FGGY: variants seen among roughly 807,000 people sequenced by gnomAD.
The protein encoded by FGGY is FGGY carbohydrate kinase domain-containing protein.
In FGGY, 72 loss-of-function variants were observed where a neutral mutation model predicts 71.3. The observed-to-expected ratio is 1.01, with a 90% confidence interval of 0.84 to 1.23. The LOEUF is 1.23. Ranked by LOEUF, FGGY falls within the 50% of genes most tolerant of loss-of-function variation. The probability of loss-of-function intolerance (pLI) is 0.00; values close to 1 mark genes in which losing one functional copy is unlikely to be tolerated. For synonymous variants in FGGY, 251 were observed against 250.3 expected, an observed-to-expected ratio of 1.00 and a Z score of -0.02; for missense variants, 668 against 682.3, an observed-to-expected ratio of 0.98 and a Z score of 0.23.
chr1:59,417,179 T>C (rs939906921), intron 5 of FGGY, among the ~76,000 whole-genome samples: 4 of 152,226 alleles, frequency 2.6e-5, no homozygotes, highest in South Asian at 2.1e-4. Flanking sequence ...CTATGGATTT[T>C]CCTGGACATT....
At chr1:59,642,704 C>T (rs1020671398) in intron 11 of FGGY, among the ~76,000 whole-genome samples, 13 of 150,048 alleles carry the variant, frequency 8.7e-5, no homozygotes, top group Admixed American at 2.7e-4. Flanking sequence ...GTCTAGTTAG[C>T]GTAAATGTTG....
chr1:59,534,036 C>G (rs938765042), intron 7 of FGGY, among the ~76,000 whole-genome samples: 4 of 152,146 alleles, frequency 2.6e-5, no homozygotes, highest in African/African-American at 9.7e-5. Context: ...TTACTCCGAG[C>G]TACGGGAGGA....
intron 14 of FGGY, among the ~76,000 whole-genome samples, chr1:59,711,674 A>G (rs2097795387): frequency 6.6e-6 from 1 of 152,236 alleles, no homozygotes; most frequent in Non-Finnish European, 1.5e-5. Flanking sequence ...CACATCTTAC[A>G]TGAATGACGG....
intron 14 of FGGY, among the ~76,000 whole-genome samples, chr1:59,705,773 A>G (rs959480092): frequency 6.6e-6 from 1 of 152,298 alleles, no homozygotes; most frequent in African/African-American, 2.4e-5. Flanking sequence ...CACATTTCCC[A>G]TGTTTCAGCA....
intron 6 of FGGY, among the ~76,000 whole-genome samples, chr1:59,503,812 T>C (rs1332108245): frequency 6.6e-6 from 1 of 151,878 alleles, no homozygotes; most frequent in Non-Finnish European, 1.5e-5. Context: ...CCTGGTTAAC[T>C]CCCATAGCCC....
chr1:59,543,206 C>T (rs898011558), intron 7 of FGGY, among the ~76,000 whole-genome samples: 1 of 152,160 alleles, frequency 6.6e-6, no homozygotes, highest in Non-Finnish European at 1.5e-5. Flanking sequence ...GGCTTTTTAT[C>T]CTGCTTAGGG....
At chr1:59,422,239 C>T (rs61789977) in intron 5 of FGGY, among the ~76,000 whole-genome samples, 26,202 of 152,134 alleles carry the variant, frequency 0.17, 2,765 homozygotes, top group East Asian at 0.36. Flanking sequence ...GGTTTCTACA[C>T]GATTCTCATG....
rs564454743 is a variant in FGGY, at chr1:59,667,320, C to G, written c.1334C>G (p.Ala445Gly). The part of the protein sequence containing the change: ...TRFIIEAMEA[A>G]GHSISTLFLC... ...TTCATTATAGAAGCCATGGAGGCAGCAGGGCACTCAATCAGTACTCTTTTC... is the reference window on the plus strand; with the variant it reads ...TTCATTATAGAAGCCATGGAGGCAGGAGGGCACTCAATCAGTACTCTTTTC... Residue 445 changes from alanine to glycine, a missense_variant, in exon 13 of 16, where the codon GCA (alanine) becomes GGA (glycine). Coordinates refer to ENST00000303721, the MANE Select transcript of FGGY (RefSeq NM_018291.5). The G allele has an allele frequency of 2.5e-6, 4 of 1,613,982 alleles. No homozygotes were observed. Among genetic ancestry groups the G allele is most frequent in the Non-Finnish European group, 3.4e-6 (4 of 1,179,998 alleles).
At chr1:59,714,819 CA>C (rs1313081803) in intron 14 of FGGY, among the ~76,000 whole-genome samples, 2 of 152,156 alleles carry the variant, frequency 1.3e-5, no homozygotes, top group African/African-American at 4.8e-5. Flanking sequence ...TGCCATTTAG[CA>C]TGAGTTATTT....
chr1:59,564,688 T>C (rs530418355), intron 8 of FGGY, among the ~76,000 whole-genome samples: 26 of 152,324 alleles, frequency 1.7e-4, no homozygotes, highest in Non-Finnish European at 2.9e-4. Flanking sequence ...GGCAGGAATG[T>C]CAAATGATGC....
intron 7 of FGGY, among the ~76,000 whole-genome samples, chr1:59,530,626 G>A (rs2095117255): frequency 6.6e-6 from 1 of 152,172 alleles, no homozygotes; most frequent in African/African-American, 2.4e-5. Flanking sequence ...TGAATTGGAG[G>A]GAGAAATAGG....
chr1:59,664,518 G>A (rs1417939900), intron 12 of FGGY, among the ~76,000 whole-genome samples: 1 of 152,280 alleles, frequency 6.6e-6, no homozygotes, highest in East Asian at 1.9e-4. Flanking sequence ...CAAGCCCCTA[G>A]GTCCCTGGTT....
At chr1:59,633,623 A>G in intron 10 of FGGY, among the ~76,000 whole-genome samples, 1 of 152,206 alleles carries the variant, frequency 6.6e-6, no homozygotes, top group Non-Finnish European at 1.5e-5. Flanking sequence ...TTGTAGAAGA[A>G]CCAATCAGGA....
At chr1:59,617,269 A>G (rs2096765180) in intron 9 of FGGY, among the ~76,000 whole-genome samples, 1 of 152,144 alleles carries the variant, frequency 6.6e-6, no homozygotes, top group Admixed American at 6.6e-5. Flanking sequence ...CAATAGAAAA[A>G]AAGAGAAGGA....
chr1:59,724,400 C>T (rs1376152156), intron 14 of FGGY, among the ~76,000 whole-genome samples: 1 of 151,630 alleles, frequency 6.6e-6, no homozygotes, highest in Non-Finnish European at 1.5e-5. Context: ...AGGAGAATGG[C>T]GTGAACATGG....
chr1:59,577,140 C>T (rs1039694971), intron 8 of FGGY, among the ~76,000 whole-genome samples: 1 of 152,170 alleles, frequency 6.6e-6, no homozygotes, highest in Non-Finnish European at 1.5e-5. Flanking sequence ...CTCCTCCCAG[C>T]ACCTGGTACA....
At chr1:59,304,981 A>G (rs749943936) in intron 1 of FGGY, among the ~76,000 whole-genome samples, 7 of 152,042 alleles carry the variant, frequency 4.6e-5, no homozygotes, top group Non-Finnish European at 7.4e-5. Flanking sequence ...GTGGTTTTCT[A>G]TATATAATAT....
chr1:59,722,180 T>TC (rs2097902906), intron 14 of FGGY, among the ~76,000 whole-genome samples: 2 of 151,850 alleles, frequency 1.3e-5, no homozygotes, highest in Admixed American at 6.6e-5. Context: ...TTTTTTTTTT[T>TC]CATGATTGGA....
chr1:59,713,022 G>T (rs779806032), intron 14 of FGGY, among the ~76,000 whole-genome samples: 1 of 152,066 alleles, frequency 6.6e-6, no homozygotes, highest in Non-Finnish European at 1.5e-5. Flanking sequence ...CACCCAAGTC[G>T]CCTCTTGAAT....
Sources: gnomAD v4.1 joint callset for allele counts (sites outside exome capture counted in the v4.1 genomes callset) on GRCh38, gnomAD v4.1.1 for gene constraint, MANE v1.5 for transcripts, NCBI Gene and HGNC (gene_info 2026-07-23, HGNC 2026-07-21) for gene names.